The following RASGRP3 variants were observed in gnomAD, a reference collection of about 807,000 sequenced individuals.
The protein encoded by RASGRP3 is RAS guanyl releasing protein 3, also known as ras guanyl-releasing protein 3.
A neutral mutation model predicts 82.7 loss-of-function variants in RASGRP3; 54 were observed. The observed-to-expected ratio is 0.65, with a 90% CI of 0.52 to 0.82. RASGRP3 has a LOEUF of 0.82. RASGRP3 is among the 40% of genes least tolerant of loss of function. RASGRP3 has a pLI of 0.00. For synonymous variants in RASGRP3, 309 were observed against 300.5 expected (o/e 1.03, Z -0.29); for missense variants, 861 against 828.9 (o/e 1.04, Z -0.48).
chr2:33,439,656 A>G (rs1665115206), intron 1 of RASGRP3, among the ~76,000 whole-genome samples: 1 of 152,102 alleles, frequency 6.6e-6, no homozygotes. Context: ...CTGTATTCTG[A>G]TTTCCCAAAT....
At chr2:33,458,627 C>G (rs1016870138) in intron 2 of RASGRP3, among the ~76,000 whole-genome samples, 2 of 152,122 alleles carry the variant, frequency 1.3e-5, no homozygotes, top group Non-Finnish European at 2.9e-5. Flanking sequence ...CCTATTCCTG[C>G]CTCAGATGGT....
At chr2:33,509,547 A>G (rs571945729) in intron 1 of RASGRP3, among the ~76,000 whole-genome samples, 16 of 152,348 alleles carry the variant, frequency 1.1e-4, no homozygotes, top group African/African-American at 3.6e-4. Flanking sequence ...ATCTCTTGCC[A>G]TAACACTTTA....
intron 12 of RASGRP3, among the ~76,000 whole-genome samples, chr2:33,542,501 G>A (rs1427025051): frequency 6.8e-6 from 1 of 147,122 alleles, no homozygotes; most frequent in Non-Finnish European, 1.5e-5. Flanking sequence ...TGCATTAAAT[G>A]TATGCTTTAA....
At chr2:33,558,019 C>T (rs1676200136) in intron 15 of RASGRP3, among the ~76,000 whole-genome samples, 192 bp from the exon 16 acceptor site, 1 of 152,040 alleles carries the variant, frequency 6.6e-6, no homozygotes, top group Non-Finnish European at 1.5e-5. Context: ...TTTTCGGAAC[C>T]TCAGGAAGGC....
At chr2:33,498,312 G>A (rs906843567) in intron 1 of RASGRP3, among the ~76,000 whole-genome samples, 1 of 152,130 alleles carries the variant, frequency 6.6e-6, no homozygotes, top group Non-Finnish European at 1.5e-5. Flanking sequence ...CAGACACACA[G>A]TAAATTAAAT....
At chr2:33,498,219 T>C (rs1210541023) in intron 1 of RASGRP3, among the ~76,000 whole-genome samples, 1 of 152,166 alleles carries the variant, frequency 6.6e-6, no homozygotes, top group African/African-American at 2.4e-5. Flanking sequence ...TAATAAGCAC[T>C]TTACCTGTTA....
intron 2 of RASGRP3, among the ~76,000 whole-genome samples, chr2:33,465,133 T>C (rs1193597358): frequency 6.6e-6 from 1 of 152,176 alleles, no homozygotes. Flanking sequence ...AAAAGTTCTT[T>C]AAGGAAATTA....
intron 11 of RASGRP3, among the ~76,000 whole-genome samples, chr2:33,538,094 T>C (rs1434543702): frequency 2.0e-5 from 3 of 152,258 alleles, no homozygotes; most frequent in Non-Finnish European, 4.4e-5. Context: ...TTTTGTATCC[T>C]GTATTACACA....
intron 2 of RASGRP3, among the ~76,000 whole-genome samples, chr2:33,459,187 T>A (rs543526716): frequency 1.3e-5 from 2 of 152,132 alleles, no homozygotes; most frequent in African/African-American, 4.8e-5. Context: ...CAGGCTGGAG[T>A]GCAGTGGCGC....
intron 1 of RASGRP3, among the ~76,000 whole-genome samples, chr2:33,484,597 G>C (rs1668207261): frequency 6.6e-6 from 1 of 151,768 alleles, no homozygotes; most frequent in Non-Finnish European, 1.5e-5. Context: ...AGATTTCTCT[G>C]TAATCCATTT....
intron 1 of RASGRP3, among the ~76,000 whole-genome samples, chr2:33,491,775 C>A (rs1668864587): frequency 6.6e-6 from 1 of 152,244 alleles, no homozygotes. Context: ...GTCTATGCAG[C>A]CTCGCAGCCA....
At chr2:33,440,016 A>C (rs1319553842) in intron 1 of RASGRP3, among the ~76,000 whole-genome samples, 2 of 152,132 alleles carry the variant, frequency 1.3e-5, no homozygotes, top group African/African-American at 4.8e-5. Context: ...TTATAGGAGG[A>C]GAGAATGTGT....
intron 10 of RASGRP3, among the ~76,000 whole-genome samples, chr2:33,528,143 C>A (rs142026317): frequency 1.3e-5 from 2 of 152,208 alleles, no homozygotes; most frequent in Admixed American, 1.3e-4. Flanking sequence ...ATCACCCTGG[C>A]ACTTTATATT....
chr2:33,497,311 G>A (rs1435767079), intron 1 of RASGRP3, among the ~76,000 whole-genome samples: 2 of 152,188 alleles, frequency 1.3e-5, no homozygotes, highest in South Asian at 2.1e-4. Context: ...AGATATTGTG[G>A]TGAGATAAAG....
chr2:33,551,329 G>A (rs1675338044), intron 14 of RASGRP3, among the ~76,000 whole-genome samples: 1 of 151,858 alleles, frequency 6.6e-6, no homozygotes, highest in Non-Finnish European at 1.5e-5. Context: ...AAACAAAATG[G>A]TCTCCTTTTT....
intron 1 of RASGRP3, among the ~76,000 whole-genome samples, chr2:33,442,558 C>G (rs1438365870): frequency 9.2e-5 from 14 of 152,324 alleles, no homozygotes; most frequent in African/African-American, 3.4e-4. Flanking sequence ...TTGCCATTGA[C>G]GGCCTCTCCT....
At chr2:33,469,846 G>A (rs748878901) in intron 2 of RASGRP3, among the ~76,000 whole-genome samples, 40 of 152,082 alleles carry the variant, frequency 2.6e-4, no homozygotes, top group Non-Finnish European at 4.4e-4. Flanking sequence ...TAATTTTTCC[G>A]AATAGTTAAT....
chr2:33,554,084 G>A (rs1193887827), intron 14 of RASGRP3, among the ~76,000 whole-genome samples: 1 of 152,112 alleles, frequency 6.6e-6, no homozygotes, highest in Non-Finnish European at 1.5e-5. Context: ...TAGCTGTTAA[G>A]GCTCAAAGGA....
At chr2:33,557,455 A>T (rs1313094274) in intron 15 of RASGRP3, among the ~76,000 whole-genome samples, 2 of 152,206 alleles carry the variant, frequency 1.3e-5, no homozygotes, top group Admixed American at 1.3e-4. Flanking sequence ...CACGCCTGTA[A>T]TCCCAGCACT....
Sources: allele counts gnomAD v4.1 joint callset (sites outside exome capture counted in the v4.1 genomes callset), GRCh38; gene constraint gnomAD v4.1.1; transcripts MANE v1.5; gene names NCBI Gene and HGNC (gene_info 2026-07-23, HGNC 2026-07-21).